Variants in NOL4 observed in about 807,000 individuals in gnomAD.
NOL4 encodes the protein nucleolar protein 4.
Under a neutral mutation model 75.9 loss-of-function variants are expected in NOL4, and 17 were observed. The ratio of observed to expected loss-of-function variants is 0.22; its 90% confidence interval spans 0.15 to 0.34. The LOEUF (loss-of-function observed/expected upper bound fraction) is 0.34, where lower values mean the gene tolerates loss of function less well. Ranked by LOEUF, NOL4 falls within the 10% of genes least tolerant of loss-of-function variation. The pLI, the probability that NOL4 is intolerant of heterozygous loss-of-function variation, is 1.00. For missense variants in NOL4, 614 were observed against 793.5 expected, an observed-to-expected ratio of 0.77 and a Z score of 2.72; for synonymous variants, 292 against 289.9, an observed-to-expected ratio of 1.01 and a Z score of -0.07.
chr18:34,070,101 G>A (rs1040144538), intron 5 of NOL4, among the ~76,000 whole-genome samples: 1 of 152,170 alleles, frequency 6.6e-6, no homozygotes, highest in Admixed American at 6.5e-5. Context: ...GCGCAATCCC[G>A]GCTCACTGAA....
chr18:34,064,496 T>A (rs918256592), intron 5 of NOL4, among the ~76,000 whole-genome samples: 32 of 151,332 alleles, frequency 2.1e-4, no homozygotes, highest in African/African-American at 7.2e-4. Context: ...AATTGCAGAA[T>A]CTACATCTAA....
At chr18:34,015,732 G>A (rs554533772) in intron 6 of NOL4, among the ~76,000 whole-genome samples, 109 of 152,040 alleles carry the variant, frequency 7.2e-4, no homozygotes, top group Admixed American at 1.1e-3. Context: ...CATGTCCCCC[G>A]AATGCCTATT....
At chr18:34,052,626 T>A (rs747290293) in intron 5 of NOL4, among the ~76,000 whole-genome samples, 10 of 152,036 alleles carry the variant, frequency 6.6e-5, no homozygotes, top group Non-Finnish European at 8.8e-5. Flanking sequence ...GTGCAATGTA[T>A]TAGGAATAGA....
chr18:34,020,745 A>T (rs191204917), intron 5 of NOL4, among the ~76,000 whole-genome samples: 1 of 152,112 alleles, frequency 6.6e-6, no homozygotes, highest in Admixed American at 6.6e-5. Context: ...GGTTGGTATG[A>T]TCCCAATTTT....
At chr18:34,036,500 T>C (rs1033825977) in intron 5 of NOL4, among the ~76,000 whole-genome samples, 3 of 152,196 alleles carry the variant, frequency 2.0e-5, no homozygotes, top group Admixed American at 6.5e-5. Context: ...TCAGTTAACA[T>C]CATACTGAAT....
intron 6 of NOL4, among the ~76,000 whole-genome samples, chr18:33,979,954 C>G (rs9961459): frequency 0.014 from 2,146 of 152,062 alleles, 55 homozygotes; most frequent in African/African-American, 0.05. Context: ...TTAAATGCCA[C>G]AAAATTTTCA....
intron 9 of NOL4, among the ~76,000 whole-genome samples, chr18:33,937,669 G>C (rs1317457115): frequency 1.3e-5 from 2 of 152,120 alleles, no homozygotes; most frequent in Non-Finnish European, 2.9e-5. Context: ...TCAACTAATA[G>C]AGGGATCCCT....
intron 9 of NOL4, among the ~76,000 whole-genome samples, chr18:33,931,501 T>G (rs1179629820): frequency 1.3e-5 from 2 of 152,082 alleles, no homozygotes; most frequent in Admixed American, 1.3e-4. Flanking sequence ...GAGGCCGAAG[T>G]TGGAGAATCA....
At chr18:33,917,933 C>CACA in intron 9 of NOL4, among the ~76,000 whole-genome samples, 1 of 152,268 alleles carries the variant, frequency 6.6e-6, no homozygotes, top group East Asian at 1.9e-4. Flanking sequence ...ATTTTATGAA[C>CACA]TGTGGGTTTT....
At chr18:33,890,379 A>G (rs2065023127) in intron 9 of NOL4, among the ~76,000 whole-genome samples, 1 of 152,166 alleles carries the variant, frequency 6.6e-6, no homozygotes, top group African/African-American at 2.4e-5. Context: ...AAAAGAGGAC[A>G]CAAACAAATG....
At chr18:34,050,427 T>G (rs1019938935) in intron 5 of NOL4, among the ~76,000 whole-genome samples, 1 of 152,102 alleles carries the variant, frequency 6.6e-6, no homozygotes, top group African/African-American at 2.4e-5. Context: ...AATAATTTAC[T>G]GCTATAATAG....
chr18:33,857,127 T>C (rs2062872593), intron 10 of NOL4, among the ~76,000 whole-genome samples: 1 of 152,070 alleles, frequency 6.6e-6, no homozygotes, highest in African/African-American at 2.4e-5. Context: ...AGTTACCTTT[T>C]ATTAGGTCAA....
At chr18:33,877,968 A>G (rs1053164887) in intron 10 of NOL4, among the ~76,000 whole-genome samples, 2 of 151,844 alleles carry the variant, frequency 1.3e-5, no homozygotes, top group Non-Finnish European at 2.9e-5. Flanking sequence ...ATGAGGAGAG[A>G]GTGGGGGAGA....
At chr18:33,887,881 C>T (rs924428520) in intron 9 of NOL4, among the ~76,000 whole-genome samples, 3 of 152,072 alleles carry the variant, frequency 2.0e-5, no homozygotes, top group East Asian at 1.9e-4. Flanking sequence ...AATAAACATA[C>T]GTGTGCATGT....
At chr18:33,897,503 T>C (rs1042346010) in intron 9 of NOL4, among the ~76,000 whole-genome samples, 1 of 152,288 alleles carries the variant, frequency 6.6e-6, no homozygotes. Context: ...TTTAGCAAAC[T>C]AGCACAAGAA....
chr18:33,973,259 T>C (rs146989089), intron 6 of NOL4, among the ~76,000 whole-genome samples: 248 of 152,294 alleles, frequency 1.6e-3, no homozygotes, highest in African/African-American at 5.6e-3. Flanking sequence ...AAGCAACTCC[T>C]CATCTGTTCA....
chr18:34,162,018 G>T (rs542424917), intron 1 of NOL4, among the ~76,000 whole-genome samples: 2 of 151,838 alleles, frequency 1.3e-5, no homozygotes. Context: ...TTTCTATGCC[G>T]GCAGAAATCT....
intron 6 of NOL4, among the ~76,000 whole-genome samples, chr18:33,991,774 T>C (rs2072933205): frequency 6.6e-6 from 1 of 152,030 alleles, no homozygotes; most frequent in South Asian, 2.1e-4. Flanking sequence ...CCATGCTCAA[T>C]AGCCACACAT....
chr18:33,942,892 T>C (rs2068589921), intron 9 of NOL4, among the ~76,000 whole-genome samples, 173 bp downstream of exon 9: 1 of 151,972 alleles, frequency 6.6e-6, no homozygotes, highest in African/African-American at 2.4e-5. Flanking sequence ...TTGACCTTCA[T>C]TGATCACATG....
Sources: allele counts gnomAD v4.1 joint callset (sites outside exome capture counted in the v4.1 genomes callset), GRCh38; gene constraint gnomAD v4.1.1; transcripts MANE v1.5; gene names NCBI Gene and HGNC (gene_info 2026-07-23, HGNC 2026-07-21).